The following FAM83B variants were observed in gnomAD, a reference collection of about 807,000 sequenced individuals.
The protein encoded by FAM83B is protein FAM83B.
In FAM83B, 26 loss-of-function variants were observed where a neutral mutation model predicts 38.8. That is an observed-to-expected ratio of 0.67 (90% CI 0.49 to 0.93). FAM83B has a LOEUF of 0.93. Among genes scored for constraint, FAM83B ranks in the 40% least tolerant of loss-of-function variants. The pLI, the probability that FAM83B is intolerant of heterozygous loss-of-function variation, is 0.00. For missense variants in FAM83B, 1,237 were observed against 1,197.3 expected, an observed-to-expected ratio of 1.03 and a Z score of -0.49; for synonymous variants, 419 against 423.1, an observed-to-expected ratio of 0.99 and a Z score of 0.12.
intron 1 of FAM83B, among the ~76,000 whole-genome samples, chr6:54,859,046 C>T (rs1325960179): frequency 6.6e-6 from 1 of 151,900 alleles, no homozygotes; most frequent in Middle Eastern, 3.2e-3. Flanking sequence ...ATTCCTCCCC[C>T]GACACCGTGC....
chr6:54,852,736 G>A (rs566164676), intron 1 of FAM83B, among the ~76,000 whole-genome samples: 1 of 152,276 alleles, frequency 6.6e-6, no homozygotes, highest in Admixed American at 6.5e-5. Context: ...GTTGTTGAAG[G>A]AAATTAAAAG....
chr6:54,876,588 G>T (rs1054285062), intron 2 of FAM83B, among the ~76,000 whole-genome samples: 1 of 151,684 alleles, frequency 6.6e-6, no homozygotes, highest in Non-Finnish European at 1.5e-5. Flanking sequence ...CAAATTGCTC[G>T]AATTACAGAC....
intron 2 of FAM83B, among the ~76,000 whole-genome samples, chr6:54,894,855 A>C (rs986747080): frequency 2.2e-4 from 34 of 152,228 alleles, no homozygotes; most frequent in Non-Finnish European, 2.9e-5. Flanking sequence ...GGTTGAGAGC[A>C]TGAACTCGGG....
intron 1 of FAM83B, among the ~76,000 whole-genome samples, chr6:54,851,186 C>G (rs535273452): frequency 1.3e-5 from 2 of 151,656 alleles, no homozygotes; most frequent in South Asian, 4.2e-4. Flanking sequence ...CCATTTTCAT[C>G]TTTATTGGCC....
chr6:54,870,743 A>G, intron 2 of FAM83B, 53 bp downstream of exon 2: 1 of 1,454,228 alleles, frequency 6.9e-7, no homozygotes, highest in African/African-American at 1.4e-5. Flanking sequence ...AGAAAAGTAG[A>G]GAGAGTAATA....
chr6:54,847,944 G>A (rs1771179684), intron 1 of FAM83B, among the ~76,000 whole-genome samples: 1 of 152,062 alleles, frequency 6.6e-6, no homozygotes, highest in Non-Finnish European at 1.5e-5. Context: ...CTAGGTTACT[G>A]GCAGGCACCT....
chr6:54,907,668 T>G (rs1772804974), intron 2 of FAM83B, among the ~76,000 whole-genome samples: 1 of 151,844 alleles, frequency 6.6e-6, no homozygotes, highest in South Asian at 2.1e-4. Flanking sequence ...TTTCAGAGTT[T>G]GAAGGCACCT....
rs533122713 is a variant in FAM83B at position 54,914,076 on chromosome 6, C to A, written c.445-12295C>A. Among the ~76,000 whole-genome samples, 6 of 152,186 alleles carry A rather than the reference C, an allele frequency of 3.9e-5. No individual in the cohort carries two copies. The South Asian group carries it at 1.2e-3, about 32-fold the overall frequency. On this transcript the variant is annotated intron_variant, in intron 2 of 4. Transcript: ENST00000306858. ...CAAACAAGATCTGGTCCACACATTG[C>A]ATTTTGTTGATATGTCTCTTAGTAA...
chr6:54,924,232 T>G (rs1281204474), intron 2 of FAM83B, among the ~76,000 whole-genome samples: 1 of 151,618 alleles, frequency 6.6e-6, no homozygotes, highest in African/African-American at 2.4e-5. Context: ...CACCACATTT[T>G]CTTTGTGCAT....
At chr6:54,882,716 C>T (rs560382852) in intron 2 of FAM83B, among the ~76,000 whole-genome samples, 1 of 152,284 alleles carries the variant, frequency 6.6e-6, no homozygotes, top group South Asian at 2.1e-4. Context: ...TCAATTACTT[C>T]CACTCCAGGG....
Position 54,944,062 on chromosome 6 carries a change from A to T in FAM83B, c.*2055A>T, listed in dbSNP as rs550699086. 6.6e-6 allele frequency: 1 copy of T among 152,108 alleles called. No homozygotes were observed. The highest frequency in any genetic ancestry group is 1.5e-5 in the Non-Finnish European group (1 of 68,026). The allele number at this position is 152,108 out of a possible 1,614,324, so 9.4% of individuals were successfully genotyped here. On this transcript the variant is annotated 3_prime_UTR_variant, in exon 5 of 5. Coordinates refer to ENST00000306858, the MANE Select transcript of FAM83B (RefSeq NM_001010872.3). ...ATTTATTTTTCTCTGCGTTTTTTAA[A>T]AATTGTTTTTCTTGTATCTTTTTTC... is the stretch of plus-strand genomic sequence containing the variant.
intron 2 of FAM83B, among the ~76,000 whole-genome samples, chr6:54,922,594 C>G (rs113715070): frequency 4.0e-5 from 6 of 151,750 alleles, no homozygotes; most frequent in African/African-American, 1.5e-4. Flanking sequence ...GCTCCTCATA[C>G]CATTTATAAA....
chr6:54,923,812 A>C (rs2127587803), intron 2 of FAM83B, among the ~76,000 whole-genome samples: 1 of 152,050 alleles, frequency 6.6e-6, no homozygotes, highest in East Asian at 1.9e-4. Context: ...TTCATATAAT[A>C]GATGACCAGT....
In FAM83B at chr6:54,942,624, C is replaced by G. The variant is rs994758012; in HGVS notation, c.*617C>G. On this transcript the variant is annotated 3_prime_UTR_variant, in exon 5 of 5. Coordinates refer to ENST00000306858, the MANE Select transcript of FAM83B (RefSeq NM_001010872.3). ...CAGCCTCATGTAGTATAATGACATTCGTAGGAATTTATTTTCCTCAGCCTT... is the reference window on the plus strand; with the variant it reads ...CAGCCTCATGTAGTATAATGACATTGGTAGGAATTTATTTTCCTCAGCCTT... Among the ~76,000 whole-genome samples, 1 of 151,158 alleles carries G rather than the reference C, an allele frequency of 6.6e-6. No individual in the cohort carries two copies. The highest frequency in any genetic ancestry group is 2.4e-5 in the African/African-American group (1 of 40,862).
chr6:54,937,679 A>G (rs1773554443), intron 4 of FAM83B, among the ~76,000 whole-genome samples: 1 of 152,140 alleles, frequency 6.6e-6, no homozygotes, highest in African/African-American at 2.4e-5. Context: ...GTATCCTTAC[A>G]TTGGACACGA....
At chr6:54,859,543 A>C (rs1042540391) in intron 1 of FAM83B, among the ~76,000 whole-genome samples, 3 of 152,206 alleles carry the variant, frequency 2.0e-5, no homozygotes, top group African/African-American at 7.2e-5. Flanking sequence ...TAGAGCTCAC[A>C]GTCTAGTGGA....
intron 2 of FAM83B, among the ~76,000 whole-genome samples, chr6:54,913,805 G>A (rs35168610): frequency 0.054 from 8,249 of 151,584 alleles, 233 homozygotes; most frequent in African/African-American, 0.066. Context: ...TGCTTCCTTC[G>A]TATCTCCCAC....
At chr6:54,902,676 C>T (rs1352639889) in intron 2 of FAM83B, among the ~76,000 whole-genome samples, 1 of 152,040 alleles carries the variant, frequency 6.6e-6, no homozygotes, top group Non-Finnish European at 1.5e-5. Context: ...CAATAGCTCC[C>T]CTTATTTTGT....
rs1261697800 is a variant in FAM83B at position 54,870,105 on chromosome 6, A to T, written c.-60-82A>T. 5.7e-5 allele frequency: 36 copies of T among 634,850 alleles called. No individual in the cohort carries two copies. In the Admixed American group the frequency reaches 1.0e-3, roughly 18 times the overall value. 39.3% of individuals were successfully genotyped at this position (634,850 alleles called of 1,614,324 possible). A position where few individuals can be genotyped will look rare whatever the true frequency, so the allele number is the denominator to read the frequency against. On this transcript the variant is annotated intron_variant, in intron 1 of 4. Transcript: ENST00000306858. ...CTGGTAATGGAAATGTGTAAATGAA[A>T]AAATAATAGTTGATATGTATCATAA...
Sources: allele counts gnomAD v4.1 joint callset (sites outside exome capture counted in the v4.1 genomes callset), GRCh38; gene constraint gnomAD v4.1.1; transcripts MANE v1.5; gene names NCBI Gene and HGNC (gene_info 2026-07-23, HGNC 2026-07-21).